The following GALNT13 variants were observed in gnomAD, a reference collection of about 807,000 sequenced individuals.
GALNT13 encodes the protein polypeptide N-acetylgalactosaminyltransferase 13.
In GALNT13, 28 loss-of-function variants were observed where a neutral mutation model predicts 64.2. That is an observed-to-expected ratio of 0.44 (90% CI 0.32 to 0.60). GALNT13 has a LOEUF of 0.60. GALNT13 is among the 20% of genes least tolerant of loss of function. The pLI is 0.05. For missense variants in GALNT13, 577 were observed against 669.8 expected (o/e 0.86, Z 1.53); for synonymous variants, 214 against 224.6 (o/e 0.95, Z 0.42).
At chr2:154,292,412 A>G (rs934079757) in intron 8 of GALNT13, among the ~76,000 whole-genome samples, 1 of 152,234 alleles carries the variant, frequency 6.6e-6, no homozygotes, top group African/African-American at 2.4e-5. Context: ...ATAACTCCTC[A>G]ATAAATCACT....
At chr2:153,977,489 C>T (rs898037189) in intron 3 of GALNT13, among the ~76,000 whole-genome samples, 4 of 152,022 alleles carry the variant, frequency 2.6e-5, no homozygotes, top group African/African-American at 4.8e-5. Flanking sequence ...CATCAGATCC[C>T]GTGAAATCAC....
At chr2:154,307,347 G>A (rs917004802) in intron 9 of GALNT13, among the ~76,000 whole-genome samples, 87 of 151,946 alleles carry the variant, frequency 5.7e-4, no homozygotes, top group Non-Finnish European at 2.6e-4. Flanking sequence ...ACCAAAATAA[G>A]GTTACTTTTA....
the GALNT13 span, among the ~76,000 whole-genome samples, chr2:153,788,243 T>A: frequency 1.3e-5 from 2 of 152,138 alleles, no homozygotes; most frequent in Non-Finnish European, 2.9e-5. Context: ...AAAGCATACC[T>A]CTCAGCAGAA....
chr2:154,378,555 A>T (rs1381306991), intron 9 of GALNT13, among the ~76,000 whole-genome samples: 1 of 152,168 alleles, frequency 6.6e-6, no homozygotes, highest in African/African-American at 2.4e-5. Context: ...CAGACCGCAG[A>T]TTGGTTGCAA....
the GALNT13 span, among the ~76,000 whole-genome samples, chr2:153,623,683 T>C: frequency 5.3e-5 from 8 of 151,962 alleles, no homozygotes; most frequent in Non-Finnish European, 8.8e-5. Flanking sequence ...TATATTATGC[T>C]TCAGTTTATT....
the GALNT13 span, among the ~76,000 whole-genome samples, chr2:153,222,452 T>G: frequency 9.2e-6 from 1 of 108,462 alleles, no homozygotes; most frequent in Non-Finnish European, 1.9e-5. Context: ...CAGCCTCAGA[T>G]TCCACCAGGA....
At chr2:153,107,493 C>G in the GALNT13 span, among the ~76,000 whole-genome samples, 1 of 152,082 alleles carries the variant, frequency 6.6e-6, no homozygotes, top group East Asian at 1.9e-4. Context: ...TTGAGATTAT[C>G]ACTGCATTAA....
At chr2:153,439,847 C>T in the GALNT13 span, among the ~76,000 whole-genome samples, 1 of 152,172 alleles carries the variant, frequency 6.6e-6, no homozygotes, top group Admixed American at 6.5e-5. Flanking sequence ...GTCCGGCACT[C>T]CCCAGTGAGA....
At chr2:153,761,709 A>G in the GALNT13 span, 1 of 153,606 alleles carries the variant, frequency 6.5e-6, no homozygotes, top group African/African-American at 2.4e-5. Flanking sequence ...CATATGGTCT[A>G]TGAAAAACTG....
chr2:153,157,869 T>A, the GALNT13 span, among the ~76,000 whole-genome samples: 2 of 152,158 alleles, frequency 1.3e-5, no homozygotes, highest in Non-Finnish European at 2.9e-5. Context: ...GGTAAATATA[T>A]CTTTTCCTGA....
chr2:153,255,573 A>G, the GALNT13 span, among the ~76,000 whole-genome samples: 5 of 152,008 alleles, frequency 3.3e-5, no homozygotes, highest in Non-Finnish European at 7.4e-5. Flanking sequence ...CTCGATCATT[A>G]CGTTTTGGCA....
At chr2:153,846,234 A>G in the GALNT13 span, among the ~76,000 whole-genome samples, 1 of 152,182 alleles carries the variant, frequency 6.6e-6, no homozygotes, top group Non-Finnish European at 1.5e-5. Flanking sequence ...ATACTACTTA[A>G]AGCATTAATA....
In GALNT13 at chr2:154,446,580, C is replaced by T. The variant is rs201359539; in HGVS notation, c.1531-3831C>T. On this transcript the variant is annotated intron_variant, in intron 12 of 12. Coordinates refer to ENST00000392825, the MANE Select transcript of GALNT13 (RefSeq NM_052917.4). ...CTTTGTCAAACAGACCCACACTCTT[C>T]TTCATATAATCACCCAGTCTTGTCT... The T allele has an allele frequency of 4.5e-4, 695 of 1,543,368 alleles. 2 individuals are homozygous for T. Among genetic ancestry groups the T allele is most frequent in the Admixed American group, 2.0e-4 (10 of 49,662 alleles).
the GALNT13 span, among the ~76,000 whole-genome samples, chr2:153,402,804 T>C: frequency 6.6e-6 from 1 of 152,078 alleles, no homozygotes; most frequent in African/African-American, 2.4e-5. Context: ...CTTCTCTGTA[T>C]TGGTTATTCT....
At chr2:154,356,090 G>T (rs902400643) in intron 9 of GALNT13, among the ~76,000 whole-genome samples, 1 of 151,950 alleles carries the variant, frequency 6.6e-6, no homozygotes, top group Non-Finnish European at 1.5e-5. Flanking sequence ...ATTTCTCTTT[G>T]ATCACTATTC....
chr2:153,163,327 G>GT, the GALNT13 span, among the ~76,000 whole-genome samples: 539 of 151,968 alleles, frequency 3.5e-3, 3 homozygotes, highest in African/African-American at 8.4e-3. Context: ...AGAATTCAGG[G>GT]TTTTTTTTGG....
the GALNT13 span, among the ~76,000 whole-genome samples, chr2:153,172,818 C>G: frequency 6.6e-6 from 1 of 152,104 alleles, no homozygotes; most frequent in Non-Finnish European, 1.5e-5. Context: ...ATCTGAAAAA[C>G]TGAAAAAGAC....
At chr2:153,470,939 A>T in the GALNT13 span, among the ~76,000 whole-genome samples, 1 of 152,194 alleles carries the variant, frequency 6.6e-6, no homozygotes, top group Non-Finnish European at 1.5e-5. Flanking sequence ...AGAAAATTAT[A>T]AGTAGCCTCG....
chr2:153,550,383 C>T, the GALNT13 span, among the ~76,000 whole-genome samples: 12 of 151,976 alleles, frequency 7.9e-5, no homozygotes, highest in South Asian at 2.5e-3. Flanking sequence ...TACAGATGTG[C>T]ACCGCCACAC....
Sources: gnomAD v4.1 joint callset for allele counts (sites outside exome capture counted in the v4.1 genomes callset) on GRCh38, gnomAD v4.1.1 for gene constraint, MANE v1.5 for transcripts, NCBI Gene and HGNC (gene_info 2026-07-23, HGNC 2026-07-21) for gene names.